Variants in ADGRF3 observed in about 807,000 individuals in gnomAD.
The protein encoded by ADGRF3 is adhesion G protein-coupled receptor F3.
In ADGRF3, 85 loss-of-function variants were observed where a neutral mutation model predicts 93.2. The observed-to-expected ratio is 0.91, with a 90% CI of 0.77 to 1.09. The LOEUF (loss-of-function observed/expected upper bound fraction) is 1.09, where lower values mean the gene tolerates loss of function less well. Among genes scored for constraint, ADGRF3 ranks in the 50% least tolerant of loss-of-function variants. ADGRF3 has a pLI of 0.00. For synonymous variants in ADGRF3, 534 were observed against 532.5 expected (o/e 1.00, Z -0.04); for missense variants, 1,125 against 1,246.2 (o/e 0.90, Z 1.46).
chr2:26,316,799 G>A (rs11692776), intron 3 of ADGRF3, 113 bp downstream of exon 3: 40,783 of 1,209,724 alleles, frequency 0.034, 1,046 homozygotes, highest in African/African-American at 0.092. Flanking sequence ...GAACCAGGCA[G>A]CCCTTCCTCC....
rs755423934 is a variant in ADGRF3, at chr2:26,314,592, G to A, written c.750C>T (p.Gly250=). The change falls in exon 6 of 14, where the codon GGC becomes GGT. Residue 250 remains glycine (G), a synonymous_variant. Coordinates refer to ENST00000651242, the MANE Select transcript of ADGRF3 (RefSeq NM_001321971.2). The part of the protein sequence containing the change: ...GEYMSCFEAQ[G]FKWNLYEVVR... ...CCACCTCATACAGGTTCCACTTGAAGCCCTGGGCCTCGAAGCAGCTCATGT... is the reference window on the plus strand; with the variant it reads ...CCACCTCATACAGGTTCCACTTGAAACCCTGGGCCTCGAAGCAGCTCATGT... 1 of 1,614,022 alleles carries A rather than the reference G, an allele frequency of 6.2e-7. No individual in the cohort carries two copies. Among genetic ancestry groups the A allele is most frequent in the South Asian group, 1.1e-5 (1 of 91,078 alleles).
rs766622493 is a variant in ADGRF3 at position 26,313,116 on chromosome 2, G to T, written c.1276C>A (p.Gln426Lys). 5 of 1,613,794 alleles carry T rather than the reference G, an allele frequency of 3.1e-6. No individual in the cohort carries two copies. The highest frequency in any genetic ancestry group is 1.1e-5 in the South Asian group (1 of 91,086). ...TCAGCAGGACTGCCCTGGCCTGCCT[G>T]CAGCAGCTGAGACAGACGAGACAGC... is the stretch of plus-strand genomic sequence containing the variant. ...LALFTRTKLLQAGQGSPAEEV... is the reference protein window; with the variant it reads ...LALFTRTKLLKAGQGSPAEEV... Residue 426 changes from glutamine to lysine, a missense_variant, in exon 9 of 14, where the codon CAG (glutamine) becomes AAG (lysine). By Grantham distance (53) the Gln-to-Lys change is moderately conservative. Transcript: ENST00000651242.
chr2:26,329,498 G>T (rs1010911868), intron 1 of ADGRF3, among the ~76,000 whole-genome samples: 3 of 152,226 alleles, frequency 2.0e-5, no homozygotes, highest in Non-Finnish European at 2.9e-5. Context: ...GGCTCCAGAA[G>T]TTGGAAAGAG....
intron 5 of ADGRF3, among the ~76,000 whole-genome samples, chr2:26,315,134 C>T (rs1674539126): frequency 6.6e-6 from 1 of 152,154 alleles, no homozygotes; most frequent in Admixed American, 6.5e-5. Flanking sequence ...CTCGTGATGG[C>T]CCTGTAGCCT....
chr2:26,323,068 G>A (rs1267537327), intron 1 of ADGRF3, among the ~76,000 whole-genome samples: 4 of 152,142 alleles, frequency 2.6e-5, no homozygotes, highest in Admixed American at 6.6e-5. Context: ...GAACCCAGGA[G>A]GCGGAGGTTG....
At chr2:26,340,220 CA>C (rs1171578583) in intron 1 of ADGRF3, 2 of 152,020 alleles carry the variant, frequency 1.3e-5, no homozygotes, top group Admixed American at 6.6e-5. Context: ...TCAAACAGGC[CA>C]CATAGCCTTA....
Position 26,313,755 on chromosome 2 carries a change from C to T in ADGRF3, c.1072+5G>A, listed in dbSNP as rs776983557. ...CCAGCCCACTGGGCCCCAGGCCCTG[C>T]GTACCCTGGATGATGGTGATGGAGA... On this transcript the variant is annotated splice_donor_5th_base_variant and intron_variant, in intron 7 of 13. Coordinates refer to ENST00000651242, the MANE Select transcript of ADGRF3 (RefSeq NM_001321971.2). 1.3e-5 allele frequency: 21 copies of T among 1,613,556 alleles called. No individual in the cohort carries two copies. Among genetic ancestry groups the T allele is most frequent in the Admixed American group, 1.7e-5 (1 of 59,998 alleles).
intron 7 of ADGRF3, 35 bp from the exon 8 acceptor site, chr2:26,313,608 A>C: frequency 6.3e-7 from 1 of 1,583,448 alleles, no homozygotes. Context: ...CTCAGCAATC[A>C]CAGCCTCACC....
chr2:26,311,783 C>T lies in ADGRF3; in HGVS notation c.1741G>A (p.Gly581Arg). The change falls in exon 10 of 14, where the codon GGA becomes AGA. Residue 581 changes from glycine (G) to arginine (R), a missense_variant. By Grantham distance (125) the Gly-to-Arg change is moderately radical (BLOSUM62 -2). Transcript: ENST00000651242. ...RHSLAPLVRN[G>R]TEISITSLVL... ...AGGCTAGTAATACTTATTTCAGTTC[C>T]ATTACGGACCAATGGGGCCAGTGAG... The T allele has an allele frequency of 6.2e-7, 1 of 1,613,736 alleles. No homozygotes were observed. Among genetic ancestry groups the T allele is most frequent in the South Asian group, 1.1e-5 (1 of 91,016 alleles).
In ADGRF3 at chr2:26,317,003, C is replaced by T. The variant is rs767087292; in HGVS notation, c.234G>A (p.Trp78Ter). 2.5e-6 allele frequency: 4 copies of T among 1,612,910 alleles called. No homozygotes were observed. Among genetic ancestry groups the T allele is most frequent in the Admixed American group, 1.7e-5 (1 of 59,736 alleles). Residue 78 changes from tryptophan to a stop codon, truncating the protein, a stop_gained, in exon 3 of 14, where the codon TGG becomes TGA. Transcript: ENST00000651242. LOFTEE classifies it high-confidence loss of function. ...TCAGTGTCCTGGAGAGTTCAGGGGG[C>T]CAGGTCTTATCTGGAAAGTCCAGAT... ...YVHLDFPDKT[W>*]PPELSRTLTL...
chr2:26,339,294 G>C (rs184995227), intron 1 of ADGRF3, among the ~76,000 whole-genome samples: 1 of 151,950 alleles, frequency 6.6e-6, no homozygotes, highest in African/African-American at 2.4e-5. Flanking sequence ...TCAGGAGTTC[G>C]AGACCAGCTT....
At chr2:26,315,430 A>G in intron 5 of ADGRF3, 92 bp downstream of exon 5, 1 of 1,329,990 alleles carries the variant, frequency 7.5e-7, no homozygotes, top group South Asian at 1.5e-5. Flanking sequence ...GAGGCGTGGG[A>G]AGAAGAGGTG....
chr2:26,323,473 T>C (rs1466907576), intron 1 of ADGRF3, among the ~76,000 whole-genome samples: 1 of 152,128 alleles, frequency 6.6e-6, no homozygotes, highest in Non-Finnish European at 1.5e-5. Context: ...CCTTATTTCA[T>C]TTTTATTTTT....
In ADGRF3 at chr2:26,317,913, C is replaced by G. The variant is rs762030196; in HGVS notation, c.115-351G>C. ...TGGACATTGCTGGCTGGGGCCCAGG[C>G]GCTTGGGGAGTTTATTCCTTCTGTA... is the stretch of plus-strand genomic sequence containing the variant. On this transcript the variant is annotated intron_variant, in intron 1 of 13. Transcript: ENST00000651242. The G allele has an allele frequency of 5.2e-6, 5 of 954,656 alleles. No individual in the cohort carries two copies. In the African/African-American group the frequency reaches 8.1e-5, roughly 16 times the overall value. The allele number at this position is 954,656 out of a possible 1,614,324, so 59.1% of individuals were successfully genotyped here.
At chr2:26,315,857 CT>C (rs913282670) in intron 4 of ADGRF3, 117 bp from the exon 5 acceptor site, 434 of 1,427,228 alleles carry the variant, frequency 3.0e-4, no homozygotes, top group Non-Finnish European at 3.8e-4. Context: ...CCCTCCCTAG[CT>C]TTTTAACTTT....
At chr2:26,341,458 T>C (rs935594838) in intron 1 of ADGRF3, among the ~76,000 whole-genome samples, 2 of 152,044 alleles carry the variant, frequency 1.3e-5, no homozygotes, top group African/African-American at 2.4e-5. Flanking sequence ...CCCAGCAACA[T>C]AGGAAGTAGG....
rs1201487093 is a variant in ADGRF3 at position 26,322,430 on chromosome 2, A to G, written c.115-4868T>C. On this transcript the variant is annotated intron_variant, in intron 1 of 13. Transcript: ENST00000651242. Reference sequence around the variant, plus strand: ...TCTTAACCACTTTGAGTTCATGACTAATAGTGACAGTAGAAATGAGAGCAA... The same window carrying G: ...TCTTAACCACTTTGAGTTCATGACTGATAGTGACAGTAGAAATGAGAGCAA... Among the ~76,000 whole-genome samples, 4 of 152,216 alleles carry G rather than the reference A, an allele frequency of 2.6e-5. No individual in the cohort carries two copies. In the East Asian group the frequency reaches 7.7e-4, roughly 29 times the overall value.
chr2:26,336,722 TAAAAAAAAAAAAAA>T (rs57691864), intron 1 of ADGRF3, among the ~76,000 whole-genome samples: 9 of 22,090 alleles, frequency 4.1e-4, no homozygotes, highest in African/African-American at 6.4e-4. Context: ...TGAGACTCCA[TAAAAAAAAAAAAAA>T]AAAAAAAAAA....
chr2:26,309,302 T>C (rs1311272839), intron 13 of ADGRF3, 195 bp from the exon 14 acceptor site: 1 of 1,516,826 alleles, frequency 6.6e-7, no homozygotes, highest in Non-Finnish European at 8.8e-7. Context: ...CTTCTTGCTT[T>C]CTTGGAAAGC....
Sources: gnomAD v4.1 joint callset for allele counts (sites outside exome capture counted in the v4.1 genomes callset) on GRCh38, gnomAD v4.1.1 for gene constraint, MANE v1.5 for transcripts, NCBI Gene and HGNC (gene_info 2026-07-23, HGNC 2026-07-21) for gene names.